DAB2IP: variants seen among roughly 807,000 people sequenced by gnomAD.
DAB2IP encodes the protein DAB2 interacting protein.
Under a neutral mutation model 107.2 loss-of-function variants are expected in DAB2IP, and 28 were observed. The observed-to-expected ratio is 0.26, with a 90% CI of 0.19 to 0.36. DAB2IP has a LOEUF of 0.36. Among genes scored for constraint, DAB2IP ranks in the 10% least tolerant of loss-of-function variants. The pLI is 1.00. For missense variants in DAB2IP, 1,400 were observed against 1,644.7 expected, an observed-to-expected ratio of 0.85 and a Z score of 2.57; for synonymous variants, 755 against 706.4, an observed-to-expected ratio of 1.07 and a Z score of -1.09.
At chr9:121,574,053 C>T (rs902199880) in intron 1 of DAB2IP, among the ~76,000 whole-genome samples, 1 of 152,160 alleles carries the variant, frequency 6.6e-6, no homozygotes, top group Admixed American at 6.5e-5. Context: ...CAATTTGAGG[C>T]CAAAATAGCC....
intron 1 of DAB2IP, among the ~76,000 whole-genome samples, chr9:121,585,063 C>G (rs1452046578): frequency 2.0e-5 from 3 of 152,124 alleles, no homozygotes; most frequent in African/African-American, 4.8e-5. Context: ...TGCCACTGTG[C>G]CCAGCAGCAC....
chr9:121,658,855 C>T (rs1273647321), intron 1 of DAB2IP, among the ~76,000 whole-genome samples: 2 of 152,168 alleles, frequency 1.3e-5, no homozygotes, highest in Non-Finnish European at 2.9e-5. Flanking sequence ...ATGGGTTTTC[C>T]TCCCTTCGCC....
At chr9:121,743,872 C>CCTGGGATGCCGTCT (rs140376334) in intron 3 of DAB2IP, among the ~76,000 whole-genome samples, 11,992 of 152,228 alleles carry the variant, frequency 0.079, 1,100 homozygotes, top group African/African-American at 0.22. Flanking sequence ...TCCGGAGCAC[C>CCTGGGATGCCGTCT]CTGCCCCTCT....
In DAB2IP at chr9:121,744,275, G is replaced by T. The variant is rs150952959; in HGVS notation, c.363-12738G>T. ...CCCAGGCCCACTGGGTGGGGTGGAG[G>T]CGGGTGGGAGACTGGGAAGACTGTG... On this transcript the variant is annotated intron_variant, in intron 3 of 15. Transcript: ENST00000408936. Among the ~76,000 whole-genome samples the T allele has an allele frequency of 6.7e-3, 1,028 of 152,312 alleles. 16 individuals carry two copies. Among genetic ancestry groups the T allele is most frequent in the African/African-American group, 0.023 (970 of 41,572 alleles).
chr9:121,784,680 G>A (rs1835882666), exon 16 of DAB2IP: 1 of 155,020 alleles, frequency 6.5e-6, no homozygotes, highest in Non-Finnish European at 1.5e-5. Context: ...TGGTGCTGCC[G>A]AGGGCTGGCC....
At chr9:121,654,173 TTC>T (rs1218761140) in intron 1 of DAB2IP, among the ~76,000 whole-genome samples, 1 of 152,138 alleles carries the variant, frequency 6.6e-6, no homozygotes, top group African/African-American at 2.4e-5. Context: ...AGCTACTGTC[TTC>T]TCTCTGGACA....
chr9:121,709,476 G>A (rs1185069535), intron 3 of DAB2IP, among the ~76,000 whole-genome samples: 1 of 152,126 alleles, frequency 6.6e-6, no homozygotes, highest in Non-Finnish European at 1.5e-5. Flanking sequence ...CCCTTTGAAG[G>A]ATACGTGCTA....
intron 1 of DAB2IP, among the ~76,000 whole-genome samples, chr9:121,671,356 T>G (rs1833673904): frequency 6.6e-6 from 1 of 152,056 alleles, no homozygotes; most frequent in South Asian, 2.1e-4. Context: ...CAACAACAAA[T>G]TCTTATCATT....
intron 1 of DAB2IP, among the ~76,000 whole-genome samples, chr9:121,671,070 G>A (rs1833660991): frequency 6.6e-6 from 1 of 152,194 alleles, no homozygotes; most frequent in African/African-American, 2.4e-5. Flanking sequence ...AGAACCGCTT[G>A]AACCTGGGAG....
chr9:121,665,677 T>G (rs957606498), intron 1 of DAB2IP, among the ~76,000 whole-genome samples: 3 of 152,250 alleles, frequency 2.0e-5, no homozygotes, highest in Non-Finnish European at 4.4e-5. Context: ...CCTATATTTT[T>G]GTGGTTTTCA....
chr9:121,687,370 C>G (rs376768242), intron 2 of DAB2IP, among the ~76,000 whole-genome samples: 5 of 152,262 alleles, frequency 3.3e-5, no homozygotes, highest in African/African-American at 1.2e-4. Flanking sequence ...AGAGAAAGGG[C>G]ACAGGGTGAG....
In DAB2IP at chr9:121,774,218, C is replaced by T. The variant is rs370337709; in HGVS notation, c.2968-42C>T. 46 of 1,530,578 alleles carry T rather than the reference C, an allele frequency of 3.0e-5. No homozygotes were observed. In the African/African-American group the frequency reaches 5.6e-4, roughly 19 times the overall value. The allele number at this position is 1,530,578 out of a possible 1,614,324, so 94.8% of individuals were successfully genotyped here. ...GCCACTCCCGCCCCTCCTGCTTGCC[C>T]TCCACCTCCCTGCAGCCCCTCACAG... On this transcript the variant is annotated intron_variant, in intron 12 of 15. Coordinates refer to ENST00000408936, the Ensembl canonical transcript of DAB2IP.
intron 1 of DAB2IP, among the ~76,000 whole-genome samples, chr9:121,624,958 A>T (rs558365645): frequency 3.9e-5 from 6 of 152,298 alleles, no homozygotes. Flanking sequence ...TGCTATAAAC[A>T]GGCCTTCCTG....
chr9:121,683,737 A>G (rs940590418), intron 2 of DAB2IP, among the ~76,000 whole-genome samples: 3 of 152,240 alleles, frequency 2.0e-5, no homozygotes, highest in East Asian at 3.8e-4. Flanking sequence ...CTGTGACAGA[A>G]CAAGGAACAG....
chr9:121,600,609 CA>C (rs1589390581), intron 1 of DAB2IP, among the ~76,000 whole-genome samples: 1 of 152,154 alleles, frequency 6.6e-6, no homozygotes, highest in East Asian at 1.9e-4. Context: ...AGCTTGTCAC[CA>C]ATAAGGACCA....
intron 2 of DAB2IP, among the ~76,000 whole-genome samples, chr9:121,679,473 A>C (rs1157388904): frequency 2.1e-5 from 3 of 144,116 alleles, no homozygotes; most frequent in Admixed American, 6.9e-5. Context: ...GGGTCCCTTC[A>C]CTCCCTCGTT....
rs1834670211 is a variant in DAB2IP at position 121,770,863 on chromosome 9, C to G, written c.2078+139C>G. The G allele has an allele frequency of 1.2e-5, 14 of 1,172,852 alleles. 1 individual carries two copies. The South Asian group carries it at 2.0e-4, about 17-fold the overall frequency. The allele number at this position is 1,172,852 out of a possible 1,614,324, so 72.7% of individuals were successfully genotyped here. A position where few individuals can be genotyped will look rare whatever the true frequency, so the allele number is the denominator to read the frequency against. On this transcript the variant is annotated intron_variant, in intron 11 of 15. Coordinates refer to ENST00000408936, the Ensembl canonical transcript of DAB2IP. ...CTGGCAAGACTTGAGTTGTACAGGTCCTAAGTGGTGAACCTCCATTTGGGA... is the reference window on the plus strand; with the variant it reads ...CTGGCAAGACTTGAGTTGTACAGGTGCTAAGTGGTGAACCTCCATTTGGGA...
chr9:121,624,218 C>T (rs1253463208), intron 1 of DAB2IP, among the ~76,000 whole-genome samples: 1 of 152,252 alleles, frequency 6.6e-6, no homozygotes, highest in African/African-American at 2.4e-5. Flanking sequence ...ACGGACCCAG[C>T]GGGGCTGCCC....
chr9:121,611,867 G>A (rs1831109055), intron 1 of DAB2IP, among the ~76,000 whole-genome samples: 1 of 152,222 alleles, frequency 6.6e-6, no homozygotes, highest in African/African-American at 2.4e-5. Context: ...TTACAGGCAT[G>A]AGCCACTGTG....
Sources: gnomAD v4.1 joint callset for allele counts (sites outside exome capture counted in the v4.1 genomes callset) on GRCh38, gnomAD v4.1.1 for gene constraint, MANE v1.5 for transcripts, NCBI Gene and HGNC (gene_info 2026-07-23, HGNC 2026-07-21) for gene names.